Variants in CUX2 observed in about 807,000 individuals in gnomAD.
The protein encoded by CUX2 is cut like homeobox 2.
In CUX2, 40 loss-of-function variants were observed where a neutral mutation model predicts 144.8. The ratio of observed to expected loss-of-function variants is 0.28; its 90% CI spans 0.21 to 0.36. The LOEUF is 0.36. CUX2 is among the 10% of genes least tolerant of loss of function. The pLI is 1.00. For synonymous variants in CUX2, 827 were observed against 875.6 expected (o/e 0.94, Z 0.98); for missense variants, 1,615 against 1,994.0 (o/e 0.81, Z 3.62).
intron 1 of CUX2, among the ~76,000 whole-genome samples, chr12:111,117,038 A>C (rs1874347033): frequency 6.6e-6 from 1 of 152,200 alleles, no homozygotes; most frequent in South Asian, 2.1e-4. Flanking sequence ...CAATGAATTC[A>C]TATTAATTGA....
chr12:111,257,242 C>T, intron 3 of CUX2, among the ~76,000 whole-genome samples: 1 of 143,758 alleles, frequency 7.0e-6, no homozygotes. Context: ...ACTTCTTCCT[C>T]CCCTTCCCTT....
intron 3 of CUX2, among the ~76,000 whole-genome samples, chr12:111,251,524 A>G (rs1470997284): frequency 6.6e-6 from 1 of 152,100 alleles, no homozygotes; most frequent in Non-Finnish European, 1.5e-5. Context: ...TCATTTTTGC[A>G]CTGCTTCCAA....
At chr12:111,205,519 C>G (rs763270503) in intron 1 of CUX2, among the ~76,000 whole-genome samples, 3 of 152,188 alleles carry the variant, frequency 2.0e-5, no homozygotes, top group Non-Finnish European at 4.4e-5. Context: ...ACTAGAACCC[C>G]TGGATAGCTG....
intron 1 of CUX2, among the ~76,000 whole-genome samples, chr12:111,191,098 C>T (rs1049143326): frequency 2.0e-5 from 3 of 152,122 alleles, no homozygotes; most frequent in African/African-American, 4.8e-5. Flanking sequence ...TCTGCAGCTA[C>T]GCCACTCACA....
intron 1 of CUX2, among the ~76,000 whole-genome samples, chr12:111,185,155 TAAGTA>T (rs1311615433): frequency 6.6e-6 from 1 of 152,224 alleles, no homozygotes; most frequent in Non-Finnish European, 1.5e-5. Flanking sequence ...TGCTTGAATA[TAAGTA>T]AAGTATCTTT....
chr12:111,152,367 C>A (rs938688554), intron 1 of CUX2, among the ~76,000 whole-genome samples: 1 of 152,118 alleles, frequency 6.6e-6, no homozygotes, highest in Admixed American at 6.5e-5. Flanking sequence ...AGGCAATAGA[C>A]CTGGGCGAGG....
chr12:111,205,780 T>C (rs1039636849), intron 1 of CUX2, among the ~76,000 whole-genome samples: 4 of 152,218 alleles, frequency 2.6e-5, no homozygotes, highest in Admixed American at 1.3e-4. Context: ...AAGCCAACGT[T>C]TGAACCCAGG....
At chr12:111,095,833 T>A (rs1416343944) in intron 1 of CUX2, among the ~76,000 whole-genome samples, 1 of 152,242 alleles carries the variant, frequency 6.6e-6, no homozygotes, top group Non-Finnish European at 1.5e-5. Flanking sequence ...TCAGACATTG[T>A]CAACCCTTTC....
intron 6 of CUX2, among the ~76,000 whole-genome samples, chr12:111,294,496 TC>T (rs1217201312): frequency 1.3e-5 from 2 of 148,660 alleles, no homozygotes; most frequent in Admixed American, 1.4e-4. Context: ...GAGCAGAGGA[TC>T]ACTTGAGCCC....
At chr12:111,207,698 T>A (rs1014066793) in intron 1 of CUX2, among the ~76,000 whole-genome samples, 3 of 152,176 alleles carry the variant, frequency 2.0e-5, no homozygotes, top group Non-Finnish European at 2.9e-5. Context: ...TTAGTATATA[T>A]GGTGTAATAG....
At chr12:111,053,687 T>A (rs1005523716) in intron 1 of CUX2, among the ~76,000 whole-genome samples, 1 of 152,230 alleles carries the variant, frequency 6.6e-6, no homozygotes, top group Non-Finnish European at 1.5e-5. Flanking sequence ...TTCTTTTAGG[T>A]CTCACTTGGA....
intron 1 of CUX2, among the ~76,000 whole-genome samples, chr12:111,113,964 GCA>G (rs1288362040): frequency 1.3e-5 from 2 of 152,186 alleles, no homozygotes; most frequent in South Asian, 4.1e-4. Context: ...TGTGGTCATA[GCA>G]CAGTTTGTTT....
chr12:111,326,573 TGGTGTTA>T (rs1417738072), intron 18 of CUX2, among the ~76,000 whole-genome samples: 1 of 151,914 alleles, frequency 6.6e-6, no homozygotes, highest in Non-Finnish European at 1.5e-5. Flanking sequence ...GCCTGGTCTG[TGGTGTTA>T]GGTTTTAACT....
intron 4 of CUX2, among the ~76,000 whole-genome samples, chr12:111,288,548 C>A (rs1057045458): frequency 1.3e-5 from 2 of 151,904 alleles, no homozygotes; most frequent in Non-Finnish European, 2.9e-5. Flanking sequence ...GGGGAGCGAC[C>A]AGGCACGATA....
rs967901834 is a variant in CUX2 at position 111,350,439 on chromosome 12, A to C, written c.*2114A>C. On this transcript the variant is annotated 3_prime_UTR_variant, in exon 22 of 22. Transcript: ENST00000261726. ...GGTTCACGTCCTATAACGGTTAAAA[A>C]ACACACACACACATACACAAACCGT... The C allele has an allele frequency of 2.0e-5, 3 of 152,352 alleles. No individual in the cohort carries two copies. The highest frequency in any genetic ancestry group is 2.4e-5 in the African/African-American group (1 of 41,420). 9.4% of individuals were successfully genotyped at this position (152,352 alleles called of 1,614,324 possible). A position where few individuals can be genotyped will look rare whatever the true frequency, so the allele number is the denominator to read the frequency against.
chr12:111,070,306 TG>T (rs1033041422), intron 1 of CUX2, among the ~76,000 whole-genome samples: 8 of 152,168 alleles, frequency 5.3e-5, no homozygotes, highest in Admixed American at 1.3e-4. Flanking sequence ...ACACTATCTA[TG>T]GGTTTGTCCT....
At chr12:111,121,369 C>CTTTTTTTTTTTTT (rs5800920) in intron 1 of CUX2, among the ~76,000 whole-genome samples, 12 of 59,042 alleles carry the variant, frequency 2.0e-4, no homozygotes, top group South Asian at 1.0e-3. Context: ...TTTCTTTTTT[C>CTTTTTTTTTTTTT]TTTTTTTTTT....
rs547561224 is a variant in CUX2 at position 111,061,097 on chromosome 12, T to G, written c.63+26857T>G. 6.6e-6 allele frequency among the ~76,000 whole-genome samples: 1 copy of G among 152,046 alleles called. No homozygotes were observed. The highest frequency in any genetic ancestry group is 1.9e-4 in the East Asian group (1 of 5,152). On this transcript the variant is annotated intron_variant, in intron 1 of 21. Coordinates refer to ENST00000261726, the MANE Select transcript of CUX2 (RefSeq NM_015267.4). This position sits in a 1 kb window ranked among gnomAD's most constrained non-coding sequence, Gnocchi z 4.2. ...GCTGTTCATGGGAGGCCTCCCCTCA[T>G]GGCTGTGGCCCTGCAGAGGCCAGCC...
chr12:111,245,135 G>A (rs944038485), intron 3 of CUX2, among the ~76,000 whole-genome samples: 1 of 152,156 alleles, frequency 6.6e-6, no homozygotes, highest in Non-Finnish European at 1.5e-5. Flanking sequence ...CCAACCCAAG[G>A]TGAACTGTTC....
Sources: gnomAD v4.1 joint callset for allele counts (sites outside exome capture counted in the v4.1 genomes callset) on GRCh38, gnomAD v4.1.1 for gene constraint, Gnocchi (gnomAD v3.1) non-coding constraint, MANE v1.5 for transcripts, NCBI Gene and HGNC (gene_info 2026-07-23, HGNC 2026-07-21) for gene names.